RHOBTB1: variants seen among roughly 807,000 people sequenced by gnomAD.
RHOBTB1 encodes the protein rho-related BTB domain-containing protein 1.
A neutral mutation model predicts 71.6 loss-of-function variants in RHOBTB1; 40 were observed. That is an observed-to-expected ratio of 0.56 (90% CI 0.43 to 0.73). The LOEUF is 0.73. RHOBTB1 is among the 30% of genes least tolerant of loss of function. The pLI, the probability that RHOBTB1 is intolerant of heterozygous loss-of-function variation, is 0.00. For missense variants in RHOBTB1, 797 were observed against 894.0 expected (o/e 0.89, Z 1.38); for synonymous variants, 319 against 334.9 (o/e 0.95, Z 0.52).
upstream of RHOBTB1, among the ~76,000 whole-genome samples, chr10:60,948,549 C>T (rs1461906867): frequency 6.6e-6 from 1 of 152,210 alleles, no homozygotes; most frequent in African/African-American, 2.4e-5. Flanking sequence ...GAGATTCATG[C>T]TGTCCATCTC....
chr10:60,964,040 G>A (rs2085874007), intron 2 of RHOBTB1, among the ~76,000 whole-genome samples: 1 of 152,026 alleles, frequency 6.6e-6, no homozygotes, highest in South Asian at 2.1e-4. Context: ...CATGAAAAAT[G>A]CACAAAAAAG....
intron 2 of RHOBTB1, among the ~76,000 whole-genome samples, chr10:60,949,592 A>G (rs1469854635): frequency 6.6e-6 from 1 of 151,638 alleles, no homozygotes; most frequent in Non-Finnish European, 1.5e-5. Context: ...CCTAAAAGCT[A>G]CAGCTGGAAA....
At position 60,888,722 on chromosome 10, in the gene RHOBTB1, G is replaced by C. The variant is rs781272487; in HGVS notation, c.946C>G (p.Gln316Glu). ...ATCCGCCCCTGGAAATCTCTGCTCT[G>C]CTTCTCTTTCTCACAGGCTCCTTCA... ...GSEGACEKEK[Q>E]SRDFQGRILS... The change falls in exon 6 of 11, where the codon CAG (glutamine) becomes GAG (glutamate). Residue 316 changes from glutamine (Q) to glutamate (E), a missense_variant. Gln to Glu is a conservative substitution (Grantham distance 29, BLOSUM62 2). Transcript: ENST00000337910. 1 of 1,614,156 alleles carries C rather than the reference G, an allele frequency of 6.2e-7. No individual in the cohort carries two copies. The highest frequency in any genetic ancestry group is 1.7e-5 in the Admixed American group (1 of 60,014).
upstream of RHOBTB1, among the ~76,000 whole-genome samples, chr10:60,945,720 A>G (rs1302580562): frequency 6.6e-6 from 1 of 152,218 alleles, no homozygotes; most frequent in Non-Finnish European, 1.5e-5. Context: ...GAAAGTTATC[A>G]CCGGCAACCT....
chr10:60,917,638 C>T (rs1369900830), intron 2 of RHOBTB1, among the ~76,000 whole-genome samples: 1 of 152,164 alleles, frequency 6.6e-6, no homozygotes, highest in Non-Finnish European at 1.5e-5. Flanking sequence ...TGGGGCTCCA[C>T]CCTCATGGCT....
chr10:60,934,485 T>C (rs1216615045), intron 2 of RHOBTB1, among the ~76,000 whole-genome samples: 1 of 152,184 alleles, frequency 6.6e-6, no homozygotes. Flanking sequence ...CATTCTCTAA[T>C]CTTTCCAGAT....
In RHOBTB1 at chr10:60,888,418, A is replaced by G; in HGVS notation, c.1250T>C (p.Phe417Ser). ...TTCATCCAGTTGTCCCGTATAAAGAAACTGGAGCAGGGTCCGAAAAGGGCC... is the reference window on the plus strand; with the variant it reads ...TTCATCCAGTTGTCCCGTATAAAGAGACTGGAGCAGGGTCCGAAAAGGGCC... The part of the protein sequence containing the change: ...QPGPFRTLLQ[F>S]LYTGQLDEKE... The change falls in exon 6 of 11, where the codon TTT becomes TCT. Residue 417 changes from phenylalanine (F) to serine (S), a missense_variant. Around this residue, in one of 2 missense-constraint regions of RHOBTB1, gnomAD observed 658 missense variants for 681.5 expected, o/e 0.97. Coordinates refer to ENST00000337910, the MANE Select transcript of RHOBTB1 (RefSeq NM_014836.5). 6.2e-7 allele frequency: 1 copy of G among 1,614,164 alleles called. No individual in the cohort carries two copies. The highest frequency in any genetic ancestry group is 8.5e-7 in the Non-Finnish European group (1 of 1,180,024).
intron 2 of RHOBTB1, among the ~76,000 whole-genome samples, chr10:60,918,768 T>A (rs982461407): frequency 2.0e-5 from 3 of 150,722 alleles, no homozygotes; most frequent in African/African-American, 7.4e-5. Flanking sequence ...TTTTTTGAGA[T>A]GGAGTTTCAC....
chr10:60,899,240 A>AAACAGTTGACCAGTG (rs2082297242), intron 4 of RHOBTB1, among the ~76,000 whole-genome samples: 1 of 152,366 alleles, frequency 6.6e-6, no homozygotes, highest in Non-Finnish European at 1.5e-5. Context: ...AGTCCTACTT[A>AAACAGTTGACCAGTG]ACTCCTGGTC....
At chr10:60,863,319 A>G in the RHOBTB1 span, among the ~76,000 whole-genome samples, 1 of 152,232 alleles carries the variant, frequency 6.6e-6, no homozygotes. Context: ...GACGTTAATT[A>G]CAATGAATTT....
chr10:60,872,130 AG>A, intron 10 of RHOBTB1, 54 bp downstream of exon 10: 1 of 1,294,636 alleles, frequency 7.7e-7, no homozygotes, highest in Non-Finnish European at 1.1e-6. Flanking sequence ...AGAAGATAAA[AG>A]CTTCCATGAG....
chr10:60,929,911 C>T (rs1258185854), intron 2 of RHOBTB1, among the ~76,000 whole-genome samples: 1 of 152,138 alleles, frequency 6.6e-6, no homozygotes, highest in African/African-American at 2.4e-5. Flanking sequence ...AGACAGCTTT[C>T]TTTCAAGTGT....
intron 2 of RHOBTB1, among the ~76,000 whole-genome samples, chr10:60,984,297 T>C (rs2086593491): frequency 6.6e-6 from 1 of 152,188 alleles, no homozygotes; most frequent in Admixed American, 6.5e-5. Context: ...TAATCACCAT[T>C]ACAAATAGGA....
At chr10:60,986,411 A>ATAT (rs1554860036) in intron 1 of RHOBTB1, among the ~76,000 whole-genome samples, 3 of 137,898 alleles carry the variant, frequency 2.2e-5, no homozygotes, top group Admixed American at 7.0e-5. Flanking sequence ...AAAGATATAT[A>ATAT]TATATATATA....
rs192933784 is a variant in RHOBTB1, at chr10:60,956,058, C to T, written c.-61-14204G>A. On this transcript the variant is annotated intron_variant, in intron 2 of 11. Coordinates refer to the RHOBTB1 transcript ENST00000357917. ...GAAACATGTCCTTAGGCAATTTCATCGTTGTGCAAACATCATACAGTGTGC... is the reference window on the plus strand; with the variant it reads ...GAAACATGTCCTTAGGCAATTTCATTGTTGTGCAAACATCATACAGTGTGC... Among the ~76,000 whole-genome samples, 302 of 152,258 alleles carry T rather than the reference C, an allele frequency of 2.0e-3. 1 individual carries two copies. The highest frequency in any genetic ancestry group is 6.8e-3 in the African/African-American group (282 of 41,528).
At chr10:60,931,696 CA>C (rs1402385411) in intron 2 of RHOBTB1, among the ~76,000 whole-genome samples, 2 of 151,894 alleles carry the variant, frequency 1.3e-5, no homozygotes, top group Admixed American at 1.3e-4. Context: ...ATTGTTTTTT[CA>C]AAACTATATG....
chr10:60,905,682 T>C (rs1167741419), intron 4 of RHOBTB1, among the ~76,000 whole-genome samples: 1 of 152,104 alleles, frequency 6.6e-6, no homozygotes, highest in African/African-American at 2.4e-5. Flanking sequence ...GTCCTGGCCC[T>C]GGTCCACCTC....
chr10:60,915,599 G>A (rs2133547215), intron 2 of RHOBTB1, among the ~76,000 whole-genome samples: 1 of 152,324 alleles, frequency 6.6e-6, no homozygotes, highest in East Asian at 1.9e-4. Flanking sequence ...GAAGGGACAA[G>A]CTTATTTGAA....
At chr10:60,880,177 C>CTCTGTG (rs370670323) in intron 7 of RHOBTB1, among the ~76,000 whole-genome samples, 6,235 of 95,990 alleles carry the variant, frequency 0.065, 164 homozygotes, top group Non-Finnish European at 0.08. Context: ...TGAGGGATGA[C>CTCTGTG]TGTGTGTGTG....
Sources: allele counts gnomAD v4.1 joint callset (sites outside exome capture counted in the v4.1 genomes callset), GRCh38; gene constraint gnomAD v4.1.1; regional missense constraint gnomAD v4.1.1; transcripts MANE v1.5; gene names NCBI Gene and HGNC (gene_info 2026-07-23, HGNC 2026-07-21).